Variants in TMPRSS2 observed in about 807,000 individuals in gnomAD.
TMPRSS2 encodes the protein transmembrane protease serine 2.
TMPRSS2 carries 59 observed loss-of-function variants against 67.4 expected under a neutral mutation model. The ratio of observed to expected loss-of-function variants is 0.88; its 90% confidence interval spans 0.71 to 1.09. The LOEUF (loss-of-function observed/expected upper bound fraction) is 1.09. TMPRSS2 is among the 50% of genes least tolerant of loss of function. The pLI, the probability that TMPRSS2 is intolerant of heterozygous loss-of-function variation, is 0.00. For synonymous variants in TMPRSS2, 257 were observed against 257.0 expected, an observed-to-expected ratio of 1.00 and a Z score of 0.00; for missense variants, 668 against 642.7, an observed-to-expected ratio of 1.04 and a Z score of -0.43.
Position 41,479,260 on chromosome 21 carries a change from C to T in TMPRSS2, c.595G>A (p.Gly199Arg). The change falls in exon 7 of 14, where the codon GGA becomes AGA. Residue 199 changes from glycine (G) to arginine (R), a missense_variant. Physicochemically the swap from Gly to Arg is moderately radical, Grantham distance 125. Coordinates refer to ENST00000332149, the MANE Select transcript of TMPRSS2 (RefSeq NM_005656.4). ...GTGGATCCGCTGTCATCCACTATTC[C>T]TTGGCTAGAGTAAAAATTATTCCTA... ...GYKNNFYSSQ[G>R]IVDDSGSTSF... is the part of the protein sequence containing the mutation. The T allele has an allele frequency of 1.2e-6, 2 of 1,613,744 alleles. No individual in the cohort carries two copies. Among genetic ancestry groups the T allele is most frequent in the Non-Finnish European group, 1.7e-6 (2 of 1,179,918 alleles).
At chr21:41,502,176 C>A (rs1429017740) in intron 1 of TMPRSS2, among the ~76,000 whole-genome samples, 1 of 152,232 alleles carries the variant, frequency 6.6e-6, no homozygotes, top group East Asian at 1.9e-4. Context: ...GCATCGTATC[C>A]GCATCCCATG....
rs1316902409 is a variant in TMPRSS2, at chr21:41,498,186, T to G, written c.-53A>C. On this transcript the variant is annotated 5_prime_UTR_variant, in exon 2 of 14. Coordinates refer to ENST00000332149, the MANE Select transcript of TMPRSS2 (RefSeq NM_005656.4). ...TGATAGGTATCTGGAATGTTCAATA[T>G]GACCTAGAAGAAAGAATTACAGGAC... 1 of 1,608,696 alleles carries G rather than the reference T, an allele frequency of 6.2e-7. No homozygotes were observed. The highest frequency in any genetic ancestry group is 1.3e-5 in the African/African-American group (1 of 74,806).
Position 41,470,691 on chromosome 21 carries a change from T to C in TMPRSS2, c.1128A>G (p.Glu376=), listed in dbSNP as rs748092541. 1 of 1,613,706 alleles carries C rather than the reference T, an allele frequency of 6.2e-7. No individual in the cohort carries two copies. Among genetic ancestry groups the C allele is most frequent in the African/African-American group, 1.3e-5 (1 of 75,060 alleles). The change falls in exon 11 of 14, where the codon GAA becomes GAG. Residue 376 remains glutamate, a synonymous_variant. Transcript: ENST00000332149. ...LPNPGMMLQP[E]QLCWISGWGA... ...CCCACCCGGAAATCCAGCAGAGCTG[T>C]TCTGGCTGCAGCATCATGCCTGGGT... is the stretch of plus-strand genomic sequence containing the variant.
At chr21:41,504,595 C>A (rs1271247676) in intron 1 of TMPRSS2, among the ~76,000 whole-genome samples, 2 of 152,214 alleles carry the variant, frequency 1.3e-5, no homozygotes, top group Non-Finnish European at 2.9e-5. Flanking sequence ...TGTTCTAGGT[C>A]ATGCTGAAGA....
At chr21:41,466,196 C>T in intron 13 of TMPRSS2, 43 bp from the exon 14 acceptor site, 1 of 1,609,748 alleles carries the variant, frequency 6.2e-7, no homozygotes, top group African/African-American at 1.3e-5. Flanking sequence ...TTTCTTAAGA[C>T]AAACAAAGGT....
chr21:41,481,474 G>A (rs913032846), intron 5 of TMPRSS2, among the ~76,000 whole-genome samples: 2 of 152,186 alleles, frequency 1.3e-5, no homozygotes, highest in Non-Finnish European at 1.5e-5. Flanking sequence ...GGAGGGACGG[G>A]CTGGGAGGAG....
In TMPRSS2 at chr21:41,466,085, C is replaced by A; in HGVS notation, c.*57G>T. 1 of 1,606,184 alleles carries A rather than the reference C, an allele frequency of 6.2e-7. No individual in the cohort carries two copies. The highest frequency in any genetic ancestry group is 8.5e-7 in the Non-Finnish European group (1 of 1,174,004). On this transcript the variant is annotated 3_prime_UTR_variant, in exon 14 of 14. Transcript: ENST00000332149. ...TAAGAGTAAATCATGCACGGGGAAGCAAAACCAGCCCCATTGTTTTCTTGT... is the reference window on the plus strand; with the variant it reads ...TAAGAGTAAATCATGCACGGGGAAGAAAAACCAGCCCCATTGTTTTCTTGT...
Position 41,471,856 on chromosome 21 carries a change from T to C in TMPRSS2, c.1025A>G (p.Lys342Arg). 3 of 1,613,290 alleles carry C rather than the reference T, an allele frequency of 1.9e-6. No individual in the cohort carries two copies. The highest frequency in any genetic ancestry group is 2.5e-6 in the Non-Finnish European group (3 of 1,179,548). ...CTTCATCAGCGCAATGTCATTGTTC[T>C]TGGTCTTGGAGTCATAATTTGGATG... Reference protein sequence around the residue: ...ISHPNYDSKTKNNDIALMKLQ... With the variant: ...ISHPNYDSKTRNNDIALMKLQ... The change falls in exon 10 of 14, where the codon AAG becomes AGG. Residue 342 changes from lysine (K) to arginine (R), a missense_variant. Coordinates refer to ENST00000332149, the MANE Select transcript of TMPRSS2 (RefSeq NM_005656.4).
Position 41,464,732 on chromosome 21 carries a change from G to T in TMPRSS2, c.*1410C>A, listed in dbSNP as rs1439578965. ...TTTTAGGATGTGTCTTGGGGAGCAA[G>T]CACCTTACAGTGCCAACTGTTTCCA... is the stretch of plus-strand genomic sequence containing the variant. On this transcript the variant is annotated 3_prime_UTR_variant, in exon 14 of 14. Transcript: ENST00000332149. 2 of 233,182 alleles carry T rather than the reference G, an allele frequency of 8.6e-6. No individual in the cohort carries two copies. The highest frequency in any genetic ancestry group is 1.7e-5 in the Non-Finnish European group (2 of 118,060). The allele number at this position is 233,182 out of a possible 1,614,324, so 14.4% of individuals were successfully genotyped here.
intron 2 of TMPRSS2, 123 bp from the exon 3 acceptor site, chr21:41,494,701 T>G (rs1555893654): frequency 1.0e-6 from 1 of 977,124 alleles, no homozygotes; most frequent in Non-Finnish European, 1.6e-6. Flanking sequence ...TGTTTTTATT[T>G]TATTTTGTGA....
At chr21:41,486,605 AAG>A (rs1409279007) in intron 5 of TMPRSS2, 1 of 152,172 alleles carries the variant, frequency 6.6e-6, no homozygotes, top group Non-Finnish European at 1.5e-5. Context: ...GCCAGGAAAT[AAG>A]TTTTAAAGGA....
rs187290362 is a variant in TMPRSS2 at position 41,488,561 on chromosome 21, A to G, written c.326-48T>C. Reference sequence around the variant, plus strand: ...GGTGCCCTTCAGGCTGAGAAACGCAATGAGCCTCATGGAGTGAGGAACACC... The same window carrying G: ...GGTGCCCTTCAGGCTGAGAAACGCAGTGAGCCTCATGGAGTGAGGAACACC... On this transcript the variant is annotated intron_variant, in intron 4 of 13. Coordinates refer to ENST00000332149, the MANE Select transcript of TMPRSS2 (RefSeq NM_005656.4). The G allele has an allele frequency of 1.3e-3, 2,045 of 1,568,532 alleles. 19 individuals are homozygous for G. In the Middle Eastern group the frequency reaches 0.036, roughly 28 times the overall value.
intron 1 of TMPRSS2, among the ~76,000 whole-genome samples, chr21:41,504,079 C>T (rs1303447032): frequency 6.6e-6 from 1 of 152,238 alleles, no homozygotes; most frequent in African/African-American, 2.4e-5. Context: ...GTTCCATCTG[C>T]CAAGTCAGAC....
intron 1 of TMPRSS2, chr21:41,502,378 C>G: frequency 3.0e-6 from 3 of 984,776 alleles, no homozygotes; most frequent in South Asian, 4.7e-5. Context: ...CTGACCTCAC[C>G]GTGCACCATT....
chr21:41,500,992 T>C (rs545062168), intron 1 of TMPRSS2, among the ~76,000 whole-genome samples: 1 of 152,294 alleles, frequency 6.6e-6, no homozygotes, highest in South Asian at 2.1e-4. Context: ...CAGTTACAGG[T>C]TTGGTTGAAG....
intron 5 of TMPRSS2, among the ~76,000 whole-genome samples, chr21:41,483,497 G>C (rs925798387): frequency 2.2e-4 from 33 of 151,894 alleles, no homozygotes; most frequent in African/African-American, 8.0e-4. Flanking sequence ...GGTCAGGCTG[G>C]TCTCGAACTC....
Position 41,476,530 on chromosome 21 carries a change from C to T in TMPRSS2, c.727+47G>A, listed in dbSNP as rs75756279. The T allele has an allele frequency of 5.3e-3, 8,408 of 1,583,390 alleles. 40 individuals are homozygous for T. Among genetic ancestry groups the T allele is most frequent in the Middle Eastern group, 8.2e-3 (49 of 6,006 alleles). Reference sequence around the variant, plus strand: ...GGAGTACTGTTCTGAAAGTAGAGAGCTTTTCCTAGTTAGAAGTATCAAAAG... The same window carrying T: ...GGAGTACTGTTCTGAAAGTAGAGAGTTTTTCCTAGTTAGAAGTATCAAAAG... On this transcript the variant is annotated intron_variant, in intron 8 of 13. Transcript: ENST00000332149.
chr21:41,484,653 C>T (rs987036615), intron 5 of TMPRSS2, among the ~76,000 whole-genome samples: 1 of 152,284 alleles, frequency 6.6e-6, no homozygotes, highest in Non-Finnish European at 1.5e-5. Flanking sequence ...TAAAACCAAA[C>T]TGAAGCCGGT....
rs1178596525 is a variant in TMPRSS2 at position 41,465,318 on chromosome 21, G to A, written c.*824C>T. 2 of 233,580 alleles carry A rather than the reference G, an allele frequency of 8.6e-6. No homozygotes were observed. Among genetic ancestry groups the A allele is most frequent in the Non-Finnish European group, 1.7e-5 (2 of 118,070 alleles). The allele number at this position is 233,580 out of a possible 1,614,324, so 14.5% of individuals were successfully genotyped here. ...GACCTCAATTTCCAGTGACTAGCAG[G>A]CCTGAAGAGGCCAACATGGTGCCAG... On this transcript the variant is annotated 3_prime_UTR_variant, in exon 14 of 14. Transcript: ENST00000332149.
Sources: allele counts gnomAD v4.1 joint callset (sites outside exome capture counted in the v4.1 genomes callset), GRCh38; gene constraint gnomAD v4.1.1; transcripts MANE v1.5; gene names NCBI Gene and HGNC (gene_info 2026-07-23, HGNC 2026-07-21).